Variants in PATJ observed in about 807,000 individuals in gnomAD.
PATJ encodes the protein inaD-like protein.
In PATJ, 190 loss-of-function variants were observed where a neutral mutation model predicts 224.9. That is an observed-to-expected ratio of 0.84 (90% CI 0.75 to 0.95). The LOEUF (loss-of-function observed/expected upper bound fraction) is 0.95. Ranked by LOEUF, PATJ falls within the 40% of genes least tolerant of loss-of-function variation. PATJ has a pLI of 0.00. For missense variants in PATJ, 2,121 were observed against 2,270.3 expected, an observed-to-expected ratio of 0.93 and a Z score of 1.34; for synonymous variants, 769 against 820.3, an observed-to-expected ratio of 0.94 and a Z score of 1.07.
chr1:62,049,152 G>A lies in PATJ; in HGVS notation c.4033-1814G>A, dbSNP rs1039664213. Among the ~76,000 whole-genome samples the A allele has an allele frequency of 2.7e-5, 4 of 150,498 alleles. No homozygotes were observed. In the South Asian group the frequency reaches 6.3e-4, roughly 24 times the overall value. The stretch of plus-strand genomic sequence containing the variant: ...TTACTTTATGTTTAAATATGCAATC[G>A]TATGTGATAATTCTTCTGTAATCAA... On this transcript the variant is annotated intron_variant, in intron 30 of 43. Coordinates refer to ENST00000642238, the MANE Select transcript of PATJ (RefSeq NM_001350145.3).
In PATJ at chr1:61,896,188, G is replaced by A. The variant is rs529454138; in HGVS notation, c.3132-3395G>A. Among the ~76,000 whole-genome samples the A allele has an allele frequency of 1.8e-4, 28 of 151,920 alleles. 1 individual carries two copies. The highest frequency in any genetic ancestry group is 3.6e-4 in the African/African-American group (15 of 41,434). ...GGTGTGCACTTGAAATCCCAGCTAC[G>A]TGGGAGGCCAAGTCAGGAGAATCAC... On this transcript the variant is annotated intron_variant, in intron 22 of 43. Coordinates refer to ENST00000642238, the MANE Select transcript of PATJ (RefSeq NM_001350145.3).
intron 10 of PATJ, among the ~76,000 whole-genome samples, 173 bp downstream of exon 10, chr1:61,795,731 A>AT (rs1650950391): frequency 6.6e-6 from 1 of 151,990 alleles, no homozygotes; most frequent in African/African-American, 2.4e-5. Context: ...CCTACATTAA[A>AT]TTTTTTTTCA....
chr1:61,985,937 A>AT (rs913663482), intron 27 of PATJ, among the ~76,000 whole-genome samples: 3 of 152,150 alleles, frequency 2.0e-5, no homozygotes, highest in Admixed American at 1.3e-4. Flanking sequence ...AAATCATGAG[A>AT]TTTTGTTTCC....
At chr1:62,133,410 C>G (rs1350990040) in intron 41 of PATJ, among the ~76,000 whole-genome samples, 4 of 152,084 alleles carry the variant, frequency 2.6e-5, no homozygotes, top group Non-Finnish European at 5.9e-5. Context: ...GGTGAAATCC[C>G]ATCTCTACTG....
rs768955676 is a variant in PATJ, at chr1:62,127,978, A to G, written c.5050A>G (p.Ser1684Gly). Residue 1684 changes from serine (S) to glycine (G), a missense_variant, in exon 40 of 44, where the codon AGT becomes GGT. Ser to Gly is a moderately conservative substitution (Grantham distance 56). Coordinates refer to ENST00000642238, the MANE Select transcript of PATJ (RefSeq NM_001350145.3). ...TGTTTTCTTCCTTTTTTAGGAGCTC[A>G]GTGATGCCCTTGGAATCAGTATTGC... ...PRTVEINRELSDALGISIAGG... is the reference protein window; with the variant it reads ...PRTVEINRELGDALGISIAGG... 35 of 1,614,010 alleles carry G rather than the reference A, an allele frequency of 2.2e-5. 1 individual carries two copies. In the South Asian group the frequency reaches 3.5e-4, roughly 16 times the overall value.
intron 27 of PATJ, among the ~76,000 whole-genome samples, chr1:61,985,847 A>G (rs1277306798): frequency 9.2e-5 from 14 of 152,024 alleles, no homozygotes; most frequent in Admixed American, 4.6e-4. Flanking sequence ...AAACAAACAA[A>G]AAGTTAAGTA....
intron 41 of PATJ, among the ~76,000 whole-genome samples, chr1:62,139,524 T>C (rs1263256060): frequency 1.3e-5 from 2 of 151,210 alleles, no homozygotes; most frequent in Non-Finnish European, 2.9e-5. Context: ...ATGGTGATGG[T>C]GGAAGAGCTC....
At chr1:61,796,778 C>A (rs1651395316) in intron 10 of PATJ, among the ~76,000 whole-genome samples, 1 of 141,650 alleles carries the variant, frequency 7.1e-6, no homozygotes, top group Non-Finnish European at 1.5e-5. Context: ...TTTTCTTCCC[C>A]TTTCTTTCCC....
intron 28 of PATJ, among the ~76,000 whole-genome samples, chr1:62,006,043 G>A (rs1646071738): frequency 6.6e-6 from 1 of 151,990 alleles, no homozygotes; most frequent in Admixed American, 6.6e-5. Flanking sequence ...CTTCCAATTT[G>A]GCAGGGTTTT....
At chr1:62,087,258 C>G (rs1660125358) in intron 33 of PATJ, among the ~76,000 whole-genome samples, 1 of 151,998 alleles carries the variant, frequency 6.6e-6, no homozygotes. Context: ...TGGCTCTTCT[C>G]TAAAGTTAAG....
At position 61,991,504 on chromosome 1, in the gene PATJ, A is replaced by G. The variant is rs1182466551; in HGVS notation, c.3867+1140A>G. The G allele has an allele frequency of 6.1e-6, 6 of 985,248 alleles. No individual in the cohort carries two copies. The East Asian group carries it at 6.8e-4, about 112-fold the overall frequency. 61.0% of individuals were successfully genotyped at this position (985,248 alleles called of 1,614,324 possible). On this transcript the variant is annotated intron_variant, in intron 28 of 43. Coordinates refer to ENST00000642238, the MANE Select transcript of PATJ (RefSeq NM_001350145.3). ...CAGACTCTGACTCAGAATAGAATTTACAGTCATCCATAATTTTACTTGCCT... is the reference window on the plus strand; with the variant it reads ...CAGACTCTGACTCAGAATAGAATTTGCAGTCATCCATAATTTTACTTGCCT...
intron 41 of PATJ, among the ~76,000 whole-genome samples, chr1:62,144,771 A>ATATATATATATATATATATAT (rs1439255158): frequency 0.016 from 1,136 of 72,650 alleles, 63 homozygotes; most frequent in Admixed American, 0.05. Flanking sequence ...ATTTGCAAAA[A>ATATATATATATATATATATAT]AAAAAAATAT....
intron 33 of PATJ, among the ~76,000 whole-genome samples, chr1:62,092,726 TTTTA>T (rs150393814): frequency 1.3e-5 from 2 of 150,830 alleles, no homozygotes; most frequent in African/African-American, 4.9e-5. Flanking sequence ...AGAAAACGAC[TTTTA>T]TTTATTTATT....
intron 32 of PATJ, among the ~76,000 whole-genome samples, chr1:62,084,280 T>G (rs1659661272): frequency 6.6e-6 from 1 of 152,212 alleles, no homozygotes; most frequent in Non-Finnish European, 1.5e-5. Flanking sequence ...AAAATAAGAT[T>G]TAAAACTTTC....
At chr1:61,844,146 G>A (rs904332709) in intron 17 of PATJ, among the ~76,000 whole-genome samples, 12 of 152,152 alleles carry the variant, frequency 7.9e-5, no homozygotes, top group African/African-American at 2.9e-4. Flanking sequence ...TTTAGCAATG[G>A]TGAAAGTAAG....
rs1033818395 is a variant in PATJ at position 61,949,673 on chromosome 1, A to C, written c.3670+21844A>C. 6.6e-5 allele frequency among the ~76,000 whole-genome samples: 10 copies of C among 152,332 alleles called. No homozygotes were observed. In the East Asian group the frequency reaches 1.9e-3, roughly 29 times the overall value. ...TGTAATCCCAGCACTTTGGGAGGCC[A>C]AGGCAGGTGGATCACTTGAGGTTAA... is the stretch of plus-strand genomic sequence containing the variant. On this transcript the variant is annotated intron_variant, in intron 27 of 43. Transcript: ENST00000642238.
At chr1:62,039,244 T>C (rs1482582449) in intron 30 of PATJ, 1 of 347,784 alleles carries the variant, frequency 2.9e-6, no homozygotes, top group Non-Finnish European at 5.6e-6. Context: ...TCTATTTACT[T>C]AAGAGTAAAT....
Position 61,856,084 on chromosome 1 carries a change from G to A in PATJ, c.2167G>A (p.Gly723Ser). The A allele has an allele frequency of 2.5e-6, 4 of 1,614,138 alleles. No individual in the cohort carries two copies. In the South Asian group the frequency reaches 4.4e-5, roughly 18 times the overall value. The change falls in exon 18 of 44, where the codon GGT becomes AGT. Residue 723 changes from glycine to serine, a missense_variant. Physicochemically the swap from Gly to Ser is moderately conservative, Grantham distance 56. Coordinates refer to ENST00000642238, the MANE Select transcript of PATJ (RefSeq NM_001350145.3). ...TGTGATCCGCTCCCTGGTAGCAGAT[G>A]GTGTAGCAGAAAGAAGTGGGGGACT... Reference protein sequence around the residue: ...VIVIRSLVADGVAERSGGLLP... With the variant: ...VIVIRSLVADSVAERSGGLLP...
intron 30 of PATJ, among the ~76,000 whole-genome samples, chr1:62,044,098 G>A (rs932496104): frequency 3.9e-5 from 6 of 152,120 alleles, no homozygotes; most frequent in South Asian, 2.1e-4. Flanking sequence ...ATTTCTTCCC[G>A]TACTTATTTT....
Sources: gnomAD v4.1 joint callset for allele counts (sites outside exome capture counted in the v4.1 genomes callset) on GRCh38, gnomAD v4.1.1 for gene constraint, MANE v1.5 for transcripts, NCBI Gene and HGNC (gene_info 2026-07-23, HGNC 2026-07-21) for gene names.